Variants in DLGAP1 observed in about 807,000 individuals in gnomAD.
The protein encoded by DLGAP1 is disks large-associated protein 1.
Under a neutral mutation model 90.8 loss-of-function variants are expected in DLGAP1, and 11 were observed. The observed-to-expected ratio is 0.12, with a 90% CI of 0.08 to 0.20. The LOEUF is 0.20. Ranked by LOEUF, DLGAP1 falls within the 10% of genes least tolerant of loss-of-function variation. The probability of loss-of-function intolerance (pLI) is 1.00; values close to 1 mark genes in which losing one functional copy is unlikely to be tolerated. For missense variants in DLGAP1, 1,050 were observed against 1,333.8 expected (o/e 0.79, Z 3.31); for synonymous variants, 558 against 540.7 (o/e 1.03, Z -0.44).
chr18:3,741,600 C>T lies in DLGAP1; in HGVS notation c.1350+735G>A, dbSNP rs114366229. Among the ~76,000 whole-genome samples the T allele has an allele frequency of 4.2e-3, 637 of 152,166 alleles. 4 individuals carry two copies. Among genetic ancestry groups the T allele is most frequent in the African/African-American group, 0.014 (593 of 41,510 alleles). On this transcript the variant is annotated intron_variant, in intron 6 of 12. Coordinates refer to ENST00000315677, the MANE Select transcript of DLGAP1 (RefSeq NM_004746.4). ...CTACCACCATCACCATCACCACCAT[C>T]GCCATCATCACCATCACTGCCATCA...
At chr18:3,539,330 A>C (rs529279830) in intron 9 of DLGAP1, among the ~76,000 whole-genome samples, 2 of 152,276 alleles carry the variant, frequency 1.3e-5, no homozygotes, top group South Asian at 4.1e-4. Flanking sequence ...CTGTTTCCCA[A>C]CCCACAGTTT....
At chr18:4,320,475 C>T (rs2080655670) in intron 1 of DLGAP1, among the ~76,000 whole-genome samples, 1 of 152,184 alleles carries the variant, frequency 6.6e-6, no homozygotes, top group African/African-American at 2.4e-5. Context: ...CCACAGTACA[C>T]TGTGACTCTC....
chr18:4,319,960 C>G (rs1416945967), intron 1 of DLGAP1, among the ~76,000 whole-genome samples: 2 of 152,128 alleles, frequency 1.3e-5, no homozygotes, highest in African/African-American at 4.8e-5. Flanking sequence ...TGGGAGGGAA[C>G]CCCATCCATC....
At chr18:4,168,115 G>A (rs1188279750) in intron 1 of DLGAP1, among the ~76,000 whole-genome samples, 2 of 152,126 alleles carry the variant, frequency 1.3e-5, no homozygotes, top group Admixed American at 1.3e-4. Context: ...AAATAAACAG[G>A]CGCTGGAATA....
At chr18:4,317,947 A>C (rs1363424601) in intron 1 of DLGAP1, among the ~76,000 whole-genome samples, 1 of 152,172 alleles carries the variant, frequency 6.6e-6, no homozygotes, top group Non-Finnish European at 1.5e-5. Context: ...TCGTGGGTTC[A>C]AACGATTCTC....
intron 2 of DLGAP1, among the ~76,000 whole-genome samples, chr18:4,068,308 A>G (rs1331826812): frequency 2.0e-5 from 3 of 151,990 alleles, no homozygotes; most frequent in Admixed American, 1.3e-4. Flanking sequence ...GAATGAATAA[A>G]TAATACACTT....
intron 3 of DLGAP1, among the ~76,000 whole-genome samples, chr18:3,971,957 A>G (rs996765022): frequency 1.3e-5 from 2 of 152,110 alleles, no homozygotes; most frequent in African/African-American, 4.8e-5. Context: ...GTAAGGGAGG[A>G]TCCTGTGAAT....
chr18:4,290,922 T>C (rs1308584561), intron 1 of DLGAP1, among the ~76,000 whole-genome samples: 1 of 152,172 alleles, frequency 6.6e-6, no homozygotes, highest in Admixed American at 6.6e-5. Context: ...CGTGTTTTGA[T>C]AGTTCTTATT....
At chr18:3,739,937 C>T (rs958060468) in intron 6 of DLGAP1, among the ~76,000 whole-genome samples, 20 of 152,182 alleles carry the variant, frequency 1.3e-4, no homozygotes, top group Non-Finnish European at 2.8e-4. Flanking sequence ...GACAGCATTA[C>T]TTCTCCCATG....
chr18:4,090,643 G>A (rs1054719144), intron 2 of DLGAP1, among the ~76,000 whole-genome samples: 1 of 152,194 alleles, frequency 6.6e-6, no homozygotes, highest in African/African-American at 2.4e-5. Context: ...TACACCACTG[G>A]TGGGAATGTA....
At position 3,565,561 on chromosome 18, in the gene DLGAP1, C is replaced by T. The variant is rs1379257267; in HGVS notation, c.2057+1929G>A. On this transcript the variant is annotated intron_variant, in intron 9 of 12. Coordinates refer to ENST00000315677, the MANE Select transcript of DLGAP1 (RefSeq NM_004746.4). The surrounding 1 kb of genome is among the most constrained non-coding windows in gnomAD (Gnocchi z 4.0). ...ATTAAAGCAATGATTACCGGCCCAG[C>T]GCGGTGGCTCACGCCTGTAATCCCA... Among the ~76,000 whole-genome samples the T allele has an allele frequency of 1.3e-5, 2 of 151,622 alleles. No individual in the cohort carries two copies. Among genetic ancestry groups the T allele is most frequent in the African/African-American group, 2.4e-5 (1 of 41,318 alleles).
At chr18:4,403,889 G>T (rs2082609099) in intron 1 of DLGAP1, among the ~76,000 whole-genome samples, 1 of 152,124 alleles carries the variant, frequency 6.6e-6, no homozygotes, top group South Asian at 2.1e-4. Flanking sequence ...GAAGAATTGG[G>T]TCTCACTTAT....
chr18:3,847,523 G>C (rs2069085648), intron 4 of DLGAP1, among the ~76,000 whole-genome samples: 1 of 152,166 alleles, frequency 6.6e-6, no homozygotes, highest in Non-Finnish European at 1.5e-5. Flanking sequence ...AGGAATAAAA[G>C]AAGGAGGAAG....
At chr18:4,258,869 T>C (rs555700018) in intron 1 of DLGAP1, among the ~76,000 whole-genome samples, 87 of 152,202 alleles carry the variant, frequency 5.7e-4, no homozygotes, top group Admixed American at 1.2e-3. Context: ...TTAAATCTTG[T>C]GGAACAATAG....
At chr18:3,826,548 T>C (rs547754628) in intron 4 of DLGAP1, among the ~76,000 whole-genome samples, 1 of 152,062 alleles carries the variant, frequency 6.6e-6, no homozygotes, top group African/African-American at 2.4e-5. Flanking sequence ...GAAGCACAGA[T>C]GAGAAAGTCC....
chr18:4,030,346 CAT>C (rs2074775586), intron 2 of DLGAP1, among the ~76,000 whole-genome samples: 1 of 152,310 alleles, frequency 6.6e-6, no homozygotes, highest in East Asian at 1.9e-4. Flanking sequence ...TTAAGAAAAT[CAT>C]ATATGGCAGA....
At chr18:3,805,367 C>T (rs1276422991) in intron 5 of DLGAP1, among the ~76,000 whole-genome samples, 1 of 152,188 alleles carries the variant, frequency 6.6e-6, no homozygotes, top group African/African-American at 2.4e-5. Flanking sequence ...GCCTAGACAA[C>T]ATGGGATTCA....
intron 1 of DLGAP1, among the ~76,000 whole-genome samples, chr18:4,309,856 A>T (rs1249901787): frequency 6.6e-6 from 1 of 152,184 alleles, no homozygotes; most frequent in Non-Finnish European, 1.5e-5. Flanking sequence ...CTTTTTGAAA[A>T]TGAAATTCAG....
chr18:4,251,753 AGG>A (rs1441900715), intron 1 of DLGAP1, among the ~76,000 whole-genome samples: 4 of 152,230 alleles, frequency 2.6e-5, no homozygotes, highest in Non-Finnish European at 4.4e-5. Flanking sequence ...GAGCCTCAAG[AGG>A]GAATCATGAA....
Sources: gnomAD v4.1 joint callset for allele counts (sites outside exome capture counted in the v4.1 genomes callset) on GRCh38, gnomAD v4.1.1 for gene constraint, Gnocchi (gnomAD v3.1) non-coding constraint, MANE v1.5 for transcripts, NCBI Gene and HGNC (gene_info 2026-07-23, HGNC 2026-07-21) for gene names.